MFN2: variants seen among roughly 807,000 people sequenced by gnomAD.
MFN2 encodes mitofusin-2.
MFN2 carries 43 observed loss-of-function variants against 87.5 expected under a neutral mutation model. That is an observed-to-expected ratio of 0.49 (90% confidence interval 0.38 to 0.63). The LOEUF is 0.63. Among genes scored for constraint, MFN2 ranks in the 30% least tolerant of loss-of-function variants. The pLI is 0.00. For synonymous variants in MFN2, 337 were observed against 359.9 expected, an observed-to-expected ratio of 0.94 and a Z score of 0.72; for missense variants, 743 against 972.8, an observed-to-expected ratio of 0.76 and a Z score of 3.14.
rs756456657 is a variant in MFN2 at position 12,007,110 on chromosome 1, C to T, written c.1930C>T (p.Leu644Phe). 1.9e-6 allele frequency: 3 copies of T among 1,614,206 alleles called. No individual in the cohort carries two copies. The highest frequency in any genetic ancestry group is 1.1e-5 in the South Asian group (1 of 91,088). ...IALSFGLYGL[L>F]YVYERLTWTT... ...CCTCTCCTTTGGGCTCTATGGCCTC[C>T]TCTACGTCTATGAGCGTCTGACCTG... Residue 644 changes from leucine (L) to phenylalanine (F), a missense_variant, in exon 17 of 19, where the codon CTC becomes TTC. Physicochemically the swap from Leu to Phe is conservative, Grantham distance 22 (BLOSUM62 0). Transcript: ENST00000235329.
At chr1:12,007,026 A>G (rs781489893) in intron 16 of MFN2, 27 bp from the exon 17 acceptor site, 29 of 1,612,072 alleles carry the variant, frequency 1.8e-5, no homozygotes, top group Non-Finnish European at 2.3e-5. Context: ...GAGAGGCTGC[A>G]CTCCAGGCTG....
chr1:11,994,813 G>T (rs1438808419), intron 4 of MFN2, among the ~76,000 whole-genome samples: 1 of 152,196 alleles, frequency 6.6e-6, no homozygotes, highest in Non-Finnish European at 1.5e-5. Context: ...CTCACTGGGT[G>T]CAGGTAAGGT....
At chr1:12,000,327 T>C (rs1267531533) in intron 8 of MFN2, among the ~76,000 whole-genome samples, 1 of 151,890 alleles carries the variant, frequency 6.6e-6, no homozygotes, top group Non-Finnish European at 1.5e-5. Flanking sequence ...GTAGCTGGGA[T>C]TACAGGCACC....
Position 11,997,261 on chromosome 1 carries a change from C to T in MFN2, c.475-36C>T, listed in dbSNP as rs1401992300. The T allele has an allele frequency of 2.5e-6, 4 of 1,613,288 alleles. No homozygotes were observed. In the African/African-American group the frequency reaches 4.0e-5, roughly 16 times the overall value. ...AGGAAATCTCCTGGCCTGGTGGTTC[C>T]TCCTCAGCCTCTTTCTTTCCTTCCT... On this transcript the variant is annotated intron_variant, in intron 5 of 18. Coordinates refer to ENST00000235329, the MANE Select transcript of MFN2 (RefSeq NM_014874.4).
At chr1:12,008,858 G>A (rs544040066) in intron 17 of MFN2, among the ~76,000 whole-genome samples, 1 of 152,360 alleles carries the variant, frequency 6.6e-6, no homozygotes, top group Admixed American at 6.5e-5. Flanking sequence ...AAGGCAGGCG[G>A]CTGGGAGGTG....
chr1:12,002,292 G>C (rs1323139607), intron 11 of MFN2, among the ~76,000 whole-genome samples, 189 bp downstream of exon 11: 1 of 152,254 alleles, frequency 6.6e-6, no homozygotes, highest in Non-Finnish European at 1.5e-5. Context: ...GCGGCTGGGT[G>C]CTTCATCACC....
intron 6 of MFN2, 114 bp from the exon 7 acceptor site, chr1:11,998,656 C>G: frequency 2.2e-6 from 2 of 908,978 alleles, no homozygotes; most frequent in South Asian, 2.6e-5. Flanking sequence ...TCTCTCCCGT[C>G]CCTGGCTTTC....
chr1:12,001,372 C>T, intron 8 of MFN2, 29 bp from the exon 9 acceptor site: 1 of 1,612,078 alleles, frequency 6.2e-7, no homozygotes, highest in Non-Finnish European at 8.5e-7. Context: ...CACCTACACT[C>T]ACTCTGGACA....
intron 2 of MFN2, among the ~76,000 whole-genome samples, chr1:11,985,370 A>G (rs955069607): frequency 1.3e-5 from 2 of 152,048 alleles, no homozygotes; most frequent in Non-Finnish European, 2.9e-5. Flanking sequence ...CAGCCCAGAA[A>G]TAATGTAGTC....
chr1:12,001,888 T>C (rs183006020), intron 10 of MFN2, 52 bp downstream of exon 10: 43 of 1,613,844 alleles, frequency 2.7e-5, no homozygotes, highest in African/African-American at 1.1e-4. Context: ...CCAGCTCCCA[T>C]TGGCTGTGTC....
chr1:11,984,680 C>A (rs528930560), intron 2 of MFN2, among the ~76,000 whole-genome samples: 9 of 152,302 alleles, frequency 5.9e-5, no homozygotes, highest in African/African-American at 2.2e-4. Flanking sequence ...TTAAAACCCT[C>A]CCCTGAGAGG....
chr1:12,002,617 G>A (rs1639228999), intron 11 of MFN2, among the ~76,000 whole-genome samples: 1 of 152,226 alleles, frequency 6.6e-6, no homozygotes. Context: ...GAGCCCAGGA[G>A]TTCAGGGTTC....
At chr1:12,010,653 A>G (rs1639652433) in intron 18 of MFN2, among the ~76,000 whole-genome samples, 1 of 152,114 alleles carries the variant, frequency 6.6e-6, no homozygotes, top group Non-Finnish European at 1.5e-5. Context: ...CAGTCTGAGG[A>G]GTCTGGAGTC....
At position 12,001,771 on chromosome 1, in the gene MFN2, G is replaced by C; in HGVS notation, c.973G>C (p.Gly325Arg). The part of the protein sequence containing the change: ...QKAQGMPEGG[G>R]ALAEGFQVRM... ...CTAATGCAGTACAATCCTCCTAGGG[G>C]GCGCTCTCGCAGAAGGCTTTCAAGT... is the stretch of plus-strand genomic sequence containing the variant. The change falls in exon 10 of 19, where the codon GGC becomes CGC. Residue 325 changes from glycine (G) to arginine (R), a missense_variant and splice_region_variant. Physicochemically the swap from Gly to Arg is moderately radical, Grantham distance 125. Coordinates refer to ENST00000235329, the MANE Select transcript of MFN2 (RefSeq NM_014874.4). 1.2e-6 allele frequency: 2 copies of C among 1,614,194 alleles called. No homozygotes were observed. The highest frequency in any genetic ancestry group is 1.7e-6 in the Non-Finnish European group (2 of 1,180,044).
intron 5 of MFN2, 75 bp downstream of exon 5, chr1:11,996,393 C>T: frequency 6.3e-7 from 1 of 1,576,158 alleles, no homozygotes; most frequent in Non-Finnish European, 8.7e-7. Context: ...CGGCTGACCT[C>T]ACCTCTAGGG....
Position 11,998,821 on chromosome 1 carries a change from T to C in MFN2, c.651T>C (p.Cys217=). Residue 217 remains cysteine (C), a synonymous_variant, in exon 7 of 19, where the codon TGT becomes TGC. Transcript: ENST00000235329. ...TGGACAGCTGGATTGACAAGTTTTG[T>C]CTGGATGCTGATGTGTTTGTGCTGG... ...TELDSWIDKF[C]LDADVFVLVA... The C allele has an allele frequency of 6.2e-7, 1 of 1,614,154 alleles. No individual in the cohort carries two copies. Among genetic ancestry groups the C allele is most frequent in the African/African-American group, 1.3e-5 (1 of 75,024 alleles).
chr1:11,998,916 C>T, intron 7 of MFN2, 38 bp downstream of exon 7: 1 of 1,611,466 alleles, frequency 6.2e-7, no homozygotes, highest in East Asian at 2.2e-5. Context: ...CTCCCAGCAC[C>T]CCCTGGGCAG....
chr1:12,011,146 G>A (rs1290985717), intron 18 of MFN2, among the ~76,000 whole-genome samples: 1 of 152,208 alleles, frequency 6.6e-6, no homozygotes, highest in Non-Finnish European at 1.5e-5. Flanking sequence ...TGACACAGCT[G>A]AACCTGGAAA....
chr1:11,983,839 T>A (rs960933460), intron 2 of MFN2, among the ~76,000 whole-genome samples: 1 of 152,066 alleles, frequency 6.6e-6, no homozygotes, highest in African/African-American at 2.4e-5. Flanking sequence ...AGAAGGACAG[T>A]AGGAGTATGC....
Sources: allele counts gnomAD v4.1 joint callset (sites outside exome capture counted in the v4.1 genomes callset), GRCh38; gene constraint gnomAD v4.1.1; transcripts MANE v1.5; gene names NCBI Gene and HGNC (gene_info 2026-07-23, HGNC 2026-07-21).